The following MAGI2 variants were observed in gnomAD, a reference collection of about 807,000 sequenced individuals.
MAGI2 encodes the protein membrane-associated guanylate kinase, WW and PDZ domain-containing protein 2.
In MAGI2, 35 loss-of-function variants were observed where a neutral mutation model predicts 133.3. The ratio of observed to expected loss-of-function variants is 0.26; its 90% CI spans 0.20 to 0.35. The LOEUF is 0.35. MAGI2 is among the 10% of genes least tolerant of loss of function. The pLI, the probability that MAGI2 is intolerant of heterozygous loss-of-function variation, is 1.00. For missense variants in MAGI2, 1,636 were observed against 1,863.4 expected (o/e 0.88, Z 2.25); for synonymous variants, 729 against 710.6 (o/e 1.03, Z -0.41).
At position 78,080,053 on chromosome 7, in the gene MAGI2, G is replaced by C. The variant is rs77057453; in HGVS notation, c.3568-968C>G. ...CAGTCTAAACTCTGTAATGCAAACA[G>C]AACTGTAGAAAAACTCTTTATAGCT... On this transcript the variant is annotated intron_variant, in intron 20 of 21. Transcript: ENST00000354212. Among the ~76,000 whole-genome samples the C allele has an allele frequency of 2.5e-3, 380 of 152,304 alleles. 1 individual carries two copies. The highest frequency in any genetic ancestry group is 0.01 in the Middle Eastern group (3 of 294).
intron 2 of MAGI2, among the ~76,000 whole-genome samples, chr7:78,804,141 A>G (rs1170363836): frequency 6.6e-6 from 1 of 152,190 alleles, no homozygotes; most frequent in African/African-American, 2.4e-5. Context: ...AGATGAACAG[A>G]TACACACAGA....
At chr7:79,278,573 G>C (rs535887190) in intron 1 of MAGI2, among the ~76,000 whole-genome samples, 9 of 152,046 alleles carry the variant, frequency 5.9e-5, no homozygotes, top group Non-Finnish European at 1.0e-4. Context: ...AATCCTCTTT[G>C]ACTGTTTGAC....
chr7:78,165,604 T>G (rs1157326606), intron 15 of MAGI2, among the ~76,000 whole-genome samples: 1 of 152,192 alleles, frequency 6.6e-6, no homozygotes, highest in Non-Finnish European at 1.5e-5. Flanking sequence ...CACACAGCAC[T>G]GCTCCTCTGT....
At chr7:78,235,746 C>A (rs1250324633) in intron 10 of MAGI2, among the ~76,000 whole-genome samples, 2 of 136,052 alleles carry the variant, frequency 1.5e-5, no homozygotes, top group Non-Finnish European at 3.4e-5. Flanking sequence ...CAGACTAATA[C>A]TCTATTTTTT....
intron 1 of MAGI2, among the ~76,000 whole-genome samples, chr7:79,018,468 A>T (rs1808961500): frequency 6.6e-6 from 1 of 152,322 alleles, no homozygotes; most frequent in South Asian, 2.1e-4. Flanking sequence ...GACTAGTGAC[A>T]CTATAAAGCA....
intron 19 of MAGI2, among the ~76,000 whole-genome samples, chr7:78,126,439 A>C (rs1285982864): frequency 6.6e-6 from 1 of 152,234 alleles, no homozygotes; most frequent in Non-Finnish European, 1.5e-5. Context: ...AACACAATGT[A>C]ATCTGATAGA....
chr7:78,453,965 A>T (rs1300390718), intron 6 of MAGI2, among the ~76,000 whole-genome samples: 1 of 152,172 alleles, frequency 6.6e-6, no homozygotes, highest in Non-Finnish European at 1.5e-5. Context: ...ATACATGTAT[A>T]CAAGTATAAT....
At chr7:78,497,750 A>ATCTATCTATCTG (rs1554442384) in intron 5 of MAGI2, among the ~76,000 whole-genome samples, 26 of 113,510 alleles carry the variant, frequency 2.3e-4, no homozygotes, top group African/African-American at 7.9e-4. Context: ...CTATCTATCT[A>ATCTATCTATCTG]TCTATCTATC....
chr7:79,066,588 G>A (rs1814357429), intron 1 of MAGI2, among the ~76,000 whole-genome samples: 1 of 151,966 alleles, frequency 6.6e-6, no homozygotes, highest in South Asian at 2.1e-4. Context: ...AGTTTCTTTT[G>A]CTGTGCAGAA....
At chr7:78,248,543 G>A (rs533289331) in intron 10 of MAGI2, among the ~76,000 whole-genome samples, 1 of 152,182 alleles carries the variant, frequency 6.6e-6, no homozygotes, top group South Asian at 2.1e-4. Context: ...TAACCTTAAG[G>A]ACACACAGAG....
chr7:78,667,699 G>A (rs1307842104), intron 2 of MAGI2, among the ~76,000 whole-genome samples: 1 of 151,902 alleles, frequency 6.6e-6, no homozygotes, highest in African/African-American at 2.4e-5. Context: ...TTTCATCCAT[G>A]TCCCTACAAA....
intron 6 of MAGI2, among the ~76,000 whole-genome samples, chr7:78,406,602 C>T (rs1797400038): frequency 6.6e-6 from 1 of 151,992 alleles, no homozygotes; most frequent in Non-Finnish European, 1.5e-5. Context: ...TATTAGCCAC[C>T]TCATAGATTG....
intron 5 of MAGI2, among the ~76,000 whole-genome samples, chr7:78,495,301 C>T (rs561700291): frequency 6.6e-6 from 1 of 152,030 alleles, no homozygotes; most frequent in Non-Finnish European, 1.5e-5. Context: ...TGTGATGCTC[C>T]CCTCCCTGTG....
intron 6 of MAGI2, among the ~76,000 whole-genome samples, chr7:78,477,591 C>T (rs1009003405): frequency 2.0e-5 from 3 of 151,726 alleles, no homozygotes; most frequent in Admixed American, 6.6e-5. Flanking sequence ...CAAGAAAGCT[C>T]GTGCAGGGGA....
intron 2 of MAGI2, among the ~76,000 whole-genome samples, chr7:78,701,248 T>C (rs951396770): frequency 1.3e-5 from 2 of 151,948 alleles, no homozygotes; most frequent in Admixed American, 6.6e-5. Flanking sequence ...TATAAACATC[T>C]GGTTGGTTTG....
rs542047440 is a variant in MAGI2 at position 79,105,125 on chromosome 7, G to A, written c.302-97919C>T. On this transcript the variant is annotated intron_variant, in intron 1 of 21. Coordinates refer to ENST00000354212, the MANE Select transcript of MAGI2 (RefSeq NM_012301.4). The stretch of plus-strand genomic sequence containing the variant: ...TTTTAGATTTAACAAATCGTTCTGA[G>A]TGCATCAGCCTTTGCTGCAGTTATG... 9.2e-5 allele frequency among the ~76,000 whole-genome samples: 14 copies of A among 152,328 alleles called. No individual in the cohort carries two copies. In the East Asian group the frequency reaches 2.5e-3, roughly 27 times the overall value.
At chr7:78,988,209 A>G (rs7795746) in intron 2 of MAGI2, among the ~76,000 whole-genome samples, 1 of 152,064 alleles carries the variant, frequency 6.6e-6, no homozygotes, top group African/African-American at 2.4e-5. Flanking sequence ...CATGTCCAGA[A>G]CTAGTCACAT....
At chr7:78,665,417 C>A (rs774815767) in intron 2 of MAGI2, among the ~76,000 whole-genome samples, 2 of 152,068 alleles carry the variant, frequency 1.3e-5, no homozygotes, top group African/African-American at 4.8e-5. Flanking sequence ...AGAAGGTAGG[C>A]AGTGCAAAGG....
chr7:78,410,440 G>A (rs901593035), intron 6 of MAGI2, among the ~76,000 whole-genome samples: 3 of 151,916 alleles, frequency 2.0e-5, no homozygotes, highest in Non-Finnish European at 4.4e-5. Context: ...AGAAGGCCAG[G>A]GTTGTGTTTC....
Sources: gnomAD v4.1 joint callset for allele counts (sites outside exome capture counted in the v4.1 genomes callset) on GRCh38, gnomAD v4.1.1 for gene constraint, MANE v1.5 for transcripts, NCBI Gene and HGNC (gene_info 2026-07-23, HGNC 2026-07-21) for gene names.